Variants in CCDC146 observed in about 807,000 individuals in gnomAD.
CCDC146 encodes the protein coiled-coil domain containing 146.
In CCDC146, 92 loss-of-function variants were observed where a neutral mutation model predicts 119.3. The ratio of observed to expected loss-of-function variants is 0.77; its 90% CI spans 0.65 to 0.92. The LOEUF (loss-of-function observed/expected upper bound fraction) is 0.92, where lower values mean the gene tolerates loss of function less well. Among genes scored for constraint, CCDC146 ranks in the 40% least tolerant of loss-of-function variants. CCDC146 has a pLI of 0.00. For missense variants in CCDC146, 1,000 were observed against 1,103.0 expected (o/e 0.91, Z 1.32); for synonymous variants, 372 against 371.8 (o/e 1.00, Z -0.01).
intron 4 of CCDC146, among the ~76,000 whole-genome samples, chr7:77,254,167 A>G (rs1452134737): frequency 6.6e-6 from 1 of 152,198 alleles, no homozygotes; most frequent in Non-Finnish European, 1.5e-5. Context: ...GCAGGAATCC[A>G]GGCAGGCACC....
intron 1 of CCDC146, among the ~76,000 whole-genome samples, chr7:77,139,909 T>TA (rs1790910099): frequency 6.6e-6 from 1 of 151,284 alleles, no homozygotes; most frequent in Admixed American, 6.6e-5. Flanking sequence ...CTTTTTCTTT[T>TA]TTTTTTTTGA....
intron 5 of CCDC146, chr7:77,255,620 G>C (rs1793163473): frequency 6.6e-6 from 1 of 152,240 alleles, no homozygotes; most frequent in African/African-American, 2.4e-5. Flanking sequence ...AGTGGTGGGA[G>C]GAGGGAGCTA....
intron 3 of CCDC146, among the ~76,000 whole-genome samples, chr7:77,237,378 A>C (rs993061918): frequency 6.6e-6 from 1 of 152,170 alleles, no homozygotes; most frequent in African/African-American, 2.4e-5. Context: ...CATTTATTAC[A>C]AATTACTTCC....
At chr7:77,149,524 G>A (rs1268533903) in intron 1 of CCDC146, among the ~76,000 whole-genome samples, 1 of 152,046 alleles carries the variant, frequency 6.6e-6, no homozygotes, top group African/African-American at 2.4e-5. Context: ...CCAGCACTTT[G>A]GGAAGCTGAG....
intron 2 of CCDC146, among the ~76,000 whole-genome samples, chr7:77,175,872 A>T (rs1791491985): frequency 6.6e-6 from 1 of 151,256 alleles, no homozygotes; most frequent in Admixed American, 6.6e-5. Context: ...GACATAAAGC[A>T]TAAAAAGGTT....
At chr7:77,274,391 A>T (rs534326175) in intron 10 of CCDC146, 91 bp from the exon 11 acceptor site, 1 of 871,152 alleles carries the variant, frequency 1.1e-6, no homozygotes, top group Admixed American at 3.0e-5. Context: ...TACATTTTGT[A>T]TAGGAAGTAA....
rs1485970153 is a variant in CCDC146 at position 77,230,514 on chromosome 7, G to GTT, written c.157-6432_157-6431insTT. On this transcript the variant is annotated intron_variant, in intron 2 of 18. Transcript: ENST00000285871. ...CAGGTATGTGTGTGTGTGTGTGTGTGTGTGTCTGTTTTTTCTTCACTTTAA... is the reference window on the plus strand; with the variant it reads ...CAGGTATGTGTGTGTGTGTGTGTGTGTTTGTGTCTGTTTTTTCTTCACTTTAA... Among the ~76,000 whole-genome samples the GTT allele has an allele frequency of 2.6e-5, 4 of 152,066 alleles. No individual in the cohort carries two copies. The East Asian group carries it at 7.7e-4, about 29-fold the overall frequency.
intron 2 of CCDC146, among the ~76,000 whole-genome samples, chr7:77,184,826 A>C (rs1290112395): frequency 6.6e-6 from 1 of 152,200 alleles, no homozygotes; most frequent in Non-Finnish European, 1.5e-5. Context: ...TAATTTTTGA[A>C]ATATCTCCTG....
chr7:77,289,911 TAAATCATGCTGCTATAAA>T (rs965509499), intron 17 of CCDC146, among the ~76,000 whole-genome samples: 2 of 152,234 alleles, frequency 1.3e-5, no homozygotes, highest in African/African-American at 2.4e-5. Flanking sequence ...CAAAGGATTA[TAAATCATGCTGCTATAAA>T]GACACATGCA....
chr7:77,128,130 G>A (rs1426092781), intron 1 of CCDC146, among the ~76,000 whole-genome samples: 2 of 151,732 alleles, frequency 1.3e-5, no homozygotes, highest in African/African-American at 4.9e-5. Context: ...TCTGTTATGA[G>A]GTTGCTGTTT....
chr7:77,284,939 C>T (rs1462811457), intron 15 of CCDC146, among the ~76,000 whole-genome samples: 3 of 151,692 alleles, frequency 2.0e-5, no homozygotes, highest in African/African-American at 4.8e-5. Context: ...TGTCAGATCC[C>T]GGTCATATCC....
At chr7:77,236,669 T>A (rs552767753) in intron 2 of CCDC146, among the ~76,000 whole-genome samples, 50 of 152,276 alleles carry the variant, frequency 3.3e-4, no homozygotes, top group Non-Finnish European at 3.7e-4. Flanking sequence ...TTTTTTAGAG[T>A]TAGAAGAATT....
intron 3 of CCDC146, among the ~76,000 whole-genome samples, chr7:77,237,951 T>G (rs1584100715): frequency 6.6e-6 from 1 of 152,020 alleles, no homozygotes; most frequent in African/African-American, 2.4e-5. Context: ...AGATAGAAAC[T>G]CCATGCTGCC....
rs567641744 is a variant in CCDC146 at position 77,260,882 on chromosome 7, C to G, written c.986+646C>G. ...TGACCTCGTGATCCACCCGCTTTGGCCTCCCAAAGTGCTGGGATTACAGGC... is the reference window on the plus strand; with the variant it reads ...TGACCTCGTGATCCACCCGCTTTGGGCTCCCAAAGTGCTGGGATTACAGGC... On this transcript the variant is annotated intron_variant, in intron 8 of 18. Coordinates refer to ENST00000285871, the MANE Select transcript of CCDC146 (RefSeq NM_020879.3). 7.9e-5 allele frequency among the ~76,000 whole-genome samples: 12 copies of G among 152,274 alleles called. No homozygotes were observed. The South Asian group carries it at 1.7e-3, about 21-fold the overall frequency.
intron 9 of CCDC146, among the ~76,000 whole-genome samples, chr7:77,263,080 G>A (rs1027717115): frequency 6.6e-6 from 1 of 152,088 alleles, no homozygotes; most frequent in African/African-American, 2.4e-5. Context: ...CCTTATGGAG[G>A]GTCATGACCT....
At chr7:77,164,694 T>C (rs956905684) in intron 1 of CCDC146, among the ~76,000 whole-genome samples, 16 of 152,166 alleles carry the variant, frequency 1.1e-4, no homozygotes, top group Non-Finnish European at 2.2e-4. Context: ...ACATAAAAAT[T>C]AGTTGTTGTT....
chr7:77,191,771 G>T (rs1447829348), intron 2 of CCDC146, among the ~76,000 whole-genome samples: 1 of 152,022 alleles, frequency 6.6e-6, no homozygotes, highest in Admixed American at 6.6e-5. Flanking sequence ...TTAGCTGGGT[G>T]TGGTGGCGGG....
chr7:77,259,256 CAT>C (rs1446069593), intron 7 of CCDC146, 188 bp downstream of exon 7: 3 of 509,034 alleles, frequency 5.9e-6, no homozygotes, highest in Non-Finnish European at 1.0e-5. Flanking sequence ...TTCTATCATT[CAT>C]AGTATTTATG....
At chr7:77,212,388 G>A (rs920130282) in intron 2 of CCDC146, among the ~76,000 whole-genome samples, 1 of 152,018 alleles carries the variant, frequency 6.6e-6, no homozygotes, top group African/African-American at 2.4e-5. Flanking sequence ...TTAGGAGGCC[G>A]AGGTGGGCGG....
Sources: gnomAD v4.1 joint callset for allele counts (sites outside exome capture counted in the v4.1 genomes callset) on GRCh38, gnomAD v4.1.1 for gene constraint, MANE v1.5 for transcripts, NCBI Gene and HGNC (gene_info 2026-07-23, HGNC 2026-07-21) for gene names.